Variants in MCTP2 observed in about 807,000 individuals in gnomAD.
MCTP2 encodes multiple C2 and transmembrane domain-containing protein 2.
MCTP2 carries 132 observed loss-of-function variants against 111.6 expected under a neutral mutation model. That is an observed-to-expected ratio of 1.18 (90% CI 1.03 to 1.37). The LOEUF (loss-of-function observed/expected upper bound fraction) is 1.37. MCTP2 is among the 40% of genes most tolerant of loss of function. The pLI is 0.00. For synonymous variants in MCTP2, 395 were observed against 387.7 expected, an observed-to-expected ratio of 1.02 and a Z score of -0.22; for missense variants, 1,183 against 1,067.9, an observed-to-expected ratio of 1.11 and a Z score of -1.50.
chr15:94,301,184 C>T (rs989535364), intron 2 of MCTP2, among the ~76,000 whole-genome samples: 1 of 152,212 alleles, frequency 6.6e-6, no homozygotes, highest in Non-Finnish European at 1.5e-5. Flanking sequence ...AAGACTGATT[C>T]TACCGTTCAG....
intron 1 of MCTP2, among the ~76,000 whole-genome samples, chr15:94,269,770 T>C (rs1365063677): frequency 6.6e-6 from 1 of 152,220 alleles, no homozygotes; most frequent in East Asian, 1.9e-4. Context: ...GTTTTATTAC[T>C]TCAAGGACTC....
rs11289166 is a variant in MCTP2, at chr15:94,430,577, C to CAAAAAAA, written c.2086-9584_2086-9578dup. 1.0e-2 allele frequency among the ~76,000 whole-genome samples: 962 copies of CAAAAAAA among 96,598 alleles called. 16 individuals are homozygous for CAAAAAAA. The highest frequency in any genetic ancestry group is 0.038 in the African/African-American group (920 of 24,012). 63.4% of individuals were successfully genotyped at this position (96,598 alleles called of 152,430 possible). ...TGAAACCCCTTCTCTACTAAAAATA[C>CAAAAAAA]AAAAAAAAAAAAAAAAAAAAATTAG... On this transcript the variant is annotated intron_variant, in intron 17 of 22. Coordinates refer to ENST00000357742, the MANE Select transcript of MCTP2 (RefSeq NM_001385001.1).
chr15:94,441,517 T>G (rs2083778705), intron 18 of MCTP2, among the ~76,000 whole-genome samples: 1 of 152,240 alleles, frequency 6.6e-6, no homozygotes, highest in Non-Finnish European at 1.5e-5. Flanking sequence ...TGTGCATATG[T>G]GTGCATGTGA....
In MCTP2 at chr15:94,312,674, C is replaced by T. The variant is rs898186202; in HGVS notation, c.466-1608C>T. Among the ~76,000 whole-genome samples, 10 of 152,250 alleles carry T rather than the reference C, an allele frequency of 6.6e-5. No homozygotes were observed. In the East Asian group the frequency reaches 1.5e-3, roughly 24 times the overall value. ...TGGGGAAAGAGGCAAGGGTAAGAAC[C>T]GCAGATTACAAGAACCTTAGGGCCT... is the stretch of plus-strand genomic sequence containing the variant. On this transcript the variant is annotated intron_variant, in intron 2 of 22. Transcript: ENST00000357742.
At chr15:94,449,450 C>T (rs1261186917) in intron 19 of MCTP2, among the ~76,000 whole-genome samples, 3 of 152,164 alleles carry the variant, frequency 2.0e-5, no homozygotes, top group African/African-American at 7.2e-5. Context: ...TATTTTTGAC[C>T]ATGCTCCGTT....
chr15:94,386,809 A>AAAC (rs1375090245), intron 14 of MCTP2, among the ~76,000 whole-genome samples: 26 of 152,066 alleles, frequency 1.7e-4, no homozygotes, highest in African/African-American at 5.6e-4. Flanking sequence ...CTTAAAAACA[A>AAAC]AACAAAACAA....
At chr15:94,462,364 G>T (rs1275136302) in intron 20 of MCTP2, among the ~76,000 whole-genome samples, 1 of 152,216 alleles carries the variant, frequency 6.6e-6, no homozygotes, top group East Asian at 1.9e-4. Context: ...CTAAGTCAGG[G>T]ATTACCTTCT....
chr15:94,466,523 CCA>C (rs1461905877), intron 20 of MCTP2, among the ~76,000 whole-genome samples: 3 of 152,142 alleles, frequency 2.0e-5, no homozygotes, highest in African/African-American at 7.2e-5. Flanking sequence ...TGATTTATGT[CCA>C]CTCTATGGTA....
chr15:94,376,802 A>G (rs1226393821), intron 12 of MCTP2, among the ~76,000 whole-genome samples: 1 of 152,188 alleles, frequency 6.6e-6, no homozygotes, highest in Non-Finnish European at 1.5e-5. Context: ...AAAGAAGGCA[A>G]AAAAATATGC....
At chr15:94,302,853 A>G (rs1411018039) in intron 2 of MCTP2, among the ~76,000 whole-genome samples, 1 of 151,928 alleles carries the variant, frequency 6.6e-6, no homozygotes, top group African/African-American at 2.4e-5. Flanking sequence ...CATGCTACTG[A>G]TAGACATAAC....
chr15:94,364,458 A>C (rs558025050), intron 10 of MCTP2, among the ~76,000 whole-genome samples: 37 of 152,268 alleles, frequency 2.4e-4, no homozygotes, highest in African/African-American at 8.9e-4. Flanking sequence ...ATTATTTAGT[A>C]TTTTTTGCAA....
intron 1 of MCTP2, among the ~76,000 whole-genome samples, chr15:94,253,872 T>C (rs1170646704): frequency 1.3e-5 from 2 of 151,946 alleles, no homozygotes; most frequent in Non-Finnish European, 2.9e-5. Flanking sequence ...AAAAAAAATC[T>C]GGTGGTAGTA....
intron 14 of MCTP2, among the ~76,000 whole-genome samples, chr15:94,386,293 G>A (rs1171322160): frequency 6.6e-6 from 1 of 152,142 alleles, no homozygotes; most frequent in Non-Finnish European, 1.5e-5. Context: ...GTTTGTTTTA[G>A]GCTTATTATG....
rs1320913549 is a variant in MCTP2 at position 94,357,791 on chromosome 15, A to T, written c.1171-691A>T. On this transcript the variant is annotated intron_variant, in intron 9 of 22. Transcript: ENST00000357742. ...TTGCTCACTTTGTATTCACATATTT[A>T]ATCTCTATATAAAGGAAACAAAAAT... 3.3e-5 allele frequency among the ~76,000 whole-genome samples: 5 copies of T among 152,330 alleles called. No homozygotes were observed. In the East Asian group the frequency reaches 9.6e-4, roughly 29 times the overall value.
At position 94,325,812 on chromosome 15, in the gene MCTP2, A is replaced by ATTTTTTTTTTTTTTTTTTTTT. The variant is rs557989149; in HGVS notation, c.637+10181_637+10201dup. 3.2e-4 allele frequency among the ~76,000 whole-genome samples: 29 copies of ATTTTTTTTTTTTTTTTTTTTT among 91,874 alleles called. 4 individuals are homozygous for ATTTTTTTTTTTTTTTTTTTTT. Among genetic ancestry groups the ATTTTTTTTTTTTTTTTTTTTT allele is most frequent in the African/African-American group, 4.9e-4 (11 of 22,344 alleles). The allele number at this position is 91,874 out of a possible 152,430, so 60.3% of individuals were successfully genotyped here. ...GAACCTACTCTACTCCATCGCTCCG[A>ATTTTTTTTTTTTTTTTTTTTT]TTTTTTTTTTTTTTTTTTTTTTTTT... On this transcript the variant is annotated intron_variant, in intron 4 of 22. Coordinates refer to ENST00000357742, the MANE Select transcript of MCTP2 (RefSeq NM_001385001.1).
At chr15:94,371,409 C>G (rs574813155) in intron 12 of MCTP2, among the ~76,000 whole-genome samples, 1 of 152,266 alleles carries the variant, frequency 6.6e-6, no homozygotes, top group South Asian at 2.1e-4. Context: ...ATTAGTGGTT[C>G]TGTCATCCCT....
rs142674959 is a variant in MCTP2 at position 94,243,914 on chromosome 15, T to C, written c.-66+12250T>C. The stretch of plus-strand genomic sequence containing the variant: ...ATATATGTATACACATACATATGTG[T>C]ATATATTTACACATATGTGTACACA... On this transcript the variant is annotated intron_variant, in intron 1 of 22. Coordinates refer to ENST00000357742, the MANE Select transcript of MCTP2 (RefSeq NM_001385001.1). 3.3e-3 allele frequency among the ~76,000 whole-genome samples: 393 copies of C among 120,798 alleles called. 1 individual carries two copies. The highest frequency in any genetic ancestry group is 5.5e-3 in the Non-Finnish European group (286 of 52,174). 79.2% of individuals were successfully genotyped at this position (120,798 alleles called of 152,430 possible). A position where few individuals can be genotyped will look rare whatever the true frequency, so the allele number is the denominator to read the frequency against.
chr15:94,411,566 CT>C (rs1032244024), intron 17 of MCTP2, among the ~76,000 whole-genome samples: 1 of 152,106 alleles, frequency 6.6e-6, no homozygotes, highest in Non-Finnish European at 1.5e-5. Flanking sequence ...GAGAAGCCTT[CT>C]TTGTGGTCTG....
At chr15:94,434,374 A>G (rs1348528935) in intron 17 of MCTP2, among the ~76,000 whole-genome samples, 1 of 127,404 alleles carries the variant, frequency 7.8e-6, no homozygotes, top group African/African-American at 3.0e-5. Flanking sequence ...CACCACTCCC[A>G]GCCTATTTTT....
Sources: allele counts gnomAD v4.1 joint callset (sites outside exome capture counted in the v4.1 genomes callset), GRCh38; gene constraint gnomAD v4.1.1; transcripts MANE v1.5; gene names NCBI Gene and HGNC (gene_info 2026-07-23, HGNC 2026-07-21).